DRG1: variants seen among roughly 807,000 people sequenced by gnomAD.
The protein encoded by DRG1 is developmentally regulated GTP binding protein 1, also known as developmentally-regulated GTP-binding protein 1.
In DRG1, 19 loss-of-function variants were observed where a neutral mutation model predicts 38.8. The ratio of observed to expected loss-of-function variants is 0.49; its 90% CI spans 0.34 to 0.72. The LOEUF (loss-of-function observed/expected upper bound fraction) is 0.72, where lower values mean the gene tolerates loss of function less well. Among genes scored for constraint, DRG1 ranks in the 30% least tolerant of loss-of-function variants. DRG1 has a pLI of 0.01. For missense variants in DRG1, 299 were observed against 444.8 expected, an observed-to-expected ratio of 0.67 and a Z score of 2.95; for synonymous variants, 167 against 157.5, an observed-to-expected ratio of 1.06 and a Z score of -0.45.
rs1365360511 is a variant in DRG1 at position 31,431,035 on chromosome 22, C to CTT, written c.1005-2820_1005-2819dup. On this transcript the variant is annotated intron_variant, in intron 8 of 8. Coordinates refer to ENST00000331457, the MANE Select transcript of DRG1 (RefSeq NM_004147.4). Reference sequence around the variant, plus strand: ...ACCCGGCCTTCCCCCCCCCCCCCCGCTTTTTTTTTTTTTTTTTTGAGACGG... The same window carrying CTT: ...ACCCGGCCTTCCCCCCCCCCCCCCGCTTTTTTTTTTTTTTTTTTTTGAGACGG... 4.2e-3 allele frequency among the ~76,000 whole-genome samples: 239 copies of CTT among 56,722 alleles called. 32 individuals are homozygous for CTT. Among genetic ancestry groups the CTT allele is most frequent in the East Asian group, 7.9e-3 (6 of 758 alleles). The allele number at this position is 56,722 out of a possible 152,430, so 37.2% of individuals were successfully genotyped here.
intron 8 of DRG1, among the ~76,000 whole-genome samples, chr22:31,430,832 C>T (rs1259994787): frequency 6.6e-6 from 1 of 152,056 alleles, no homozygotes; most frequent in East Asian, 1.9e-4. Flanking sequence ...GATCCTCCTA[C>T]CTCAGTTTCT....
At chr22:31,424,036 G>C (rs2145868996) in intron 6 of DRG1, among the ~76,000 whole-genome samples, 1 of 151,624 alleles carries the variant, frequency 6.6e-6, no homozygotes, top group South Asian at 2.1e-4. Flanking sequence ...GGCTAATTTT[G>C]TATTTTTAAT....
chr22:31,433,807 C>G, intron 8 of DRG1, 65 bp from the exon 9 acceptor site: 1 of 1,456,998 alleles, frequency 6.9e-7, no homozygotes, highest in Middle Eastern at 1.8e-4. Flanking sequence ...AGGGTGGCAT[C>G]CAGGCAAATA....
intron 4 of DRG1, among the ~76,000 whole-genome samples, chr22:31,419,893 A>G (rs1384275041): frequency 6.6e-6 from 1 of 152,230 alleles, no homozygotes; most frequent in African/African-American, 2.4e-5. Flanking sequence ...CTAAAATACA[A>G]TTAGCCAGGC....
At chr22:31,403,288 G>C in intron 3 of DRG1, 84 bp downstream of exon 3, 5 of 1,410,186 alleles carry the variant, frequency 3.5e-6, no homozygotes, top group Non-Finnish European at 3.8e-6. Context: ...CTGTATGCCA[G>C]GCCTGATCTT....
At chr22:31,415,689 A>G (rs1383163280) in intron 4 of DRG1, among the ~76,000 whole-genome samples, 4 of 152,020 alleles carry the variant, frequency 2.6e-5, no homozygotes, top group Non-Finnish European at 5.9e-5. Flanking sequence ...TTGTGCTTTT[A>G]AAGTTTTATT....
At chr22:31,412,646 G>A (rs1164657105) in intron 4 of DRG1, among the ~76,000 whole-genome samples, 1 of 151,826 alleles carries the variant, frequency 6.6e-6, no homozygotes, top group African/African-American at 2.4e-5. Flanking sequence ...ACCGTGCCTG[G>A]CCCTCTCTTT....
At chr22:31,430,248 A>G (rs2050131521) in intron 8 of DRG1, among the ~76,000 whole-genome samples, 3 of 152,116 alleles carry the variant, frequency 2.0e-5, no homozygotes. Flanking sequence ...TAGGAAATAC[A>G]TGTATGGATA....
At chr22:31,420,162 T>C (rs1388308766) in intron 4 of DRG1, 94 bp from the exon 5 acceptor site, 1 of 1,420,552 alleles carries the variant, frequency 7.0e-7, no homozygotes, top group Admixed American at 2.2e-5. Context: ...CTTTGACACT[T>C]AAATGTAGGG....
Position 31,401,879 on chromosome 22 carries a change from C to T in DRG1, c.166+1136C>T, listed in dbSNP as rs190943896. ...TAGCCTGACCAACATGGTGAAACCC[C>T]GTCTCTGCTAAAAATACAAAAATTA... On this transcript the variant is annotated intron_variant, in intron 2 of 8. Coordinates refer to ENST00000331457, the MANE Select transcript of DRG1 (RefSeq NM_004147.4). Among the ~76,000 whole-genome samples the T allele has an allele frequency of 1.4e-4, 21 of 151,984 alleles. No homozygotes were observed. In the East Asian group the frequency reaches 3.3e-3, roughly 24 times the overall value.
chr22:31,422,707 T>A (rs1179598922), intron 5 of DRG1, among the ~76,000 whole-genome samples: 1 of 152,182 alleles, frequency 6.6e-6, no homozygotes, highest in African/African-American at 2.4e-5. Context: ...ATATTCAAAT[T>A]TGAACATTTA....
In DRG1 at chr22:31,434,230, G is replaced by A. The variant is rs1022813121; in HGVS notation, c.*259G>A. The A allele has an allele frequency of 4.1e-5, 18 of 444,150 alleles. No homozygotes were observed. The highest frequency in any genetic ancestry group is 6.3e-5 in the Non-Finnish European group (15 of 239,034). 27.5% of individuals were successfully genotyped at this position (444,150 alleles called of 1,614,324 possible). ...GAATTTGTTTTGGGATGGGCTGAAT[G>A]AGGAAGGGTATATACGGTGAAGCAG... On this transcript the variant is annotated 3_prime_UTR_variant, in exon 9 of 9. Coordinates refer to ENST00000331457, the MANE Select transcript of DRG1 (RefSeq NM_004147.4).
chr22:31,415,026 C>T (rs2050036876), intron 4 of DRG1, among the ~76,000 whole-genome samples: 1 of 152,126 alleles, frequency 6.6e-6, no homozygotes, highest in East Asian at 1.9e-4. Context: ...TCTCTCTCTT[C>T]TCAGCTTCCC....
At chr22:31,417,915 A>C (rs1383845528) in intron 4 of DRG1, among the ~76,000 whole-genome samples, 4 of 151,258 alleles carry the variant, frequency 2.6e-5, no homozygotes, top group Non-Finnish European at 5.9e-5. Context: ...GCTTGAACCC[A>C]GGAGGCAGAG....
chr22:31,399,703 A>G lies in DRG1; in HGVS notation c.20A>G (p.Lys7Arg). The change falls in exon 1 of 9, where the codon AAG becomes AGG. Residue 7 changes from lysine (K) to arginine (R), a missense_variant. Coordinates refer to ENST00000331457, the MANE Select transcript of DRG1 (RefSeq NM_004147.4). MSSTLA[K>R]IAEIEAEMAR... The stretch of plus-strand genomic sequence containing the variant: ...GCCACGATGAGCAGCACCTTAGCTA[A>G]GATCGCGGAGATAGAAGCAGAGGTA... 6.2e-7 allele frequency: 1 copy of G among 1,614,004 alleles called. No homozygotes were observed. The highest frequency in any genetic ancestry group is 8.5e-7 in the Non-Finnish European group (1 of 1,179,868).
chr22:31,408,660 C>T (rs768981175), intron 3 of DRG1, among the ~76,000 whole-genome samples: 33 of 147,078 alleles, frequency 2.2e-4, no homozygotes, highest in Non-Finnish European at 3.0e-4. Flanking sequence ...GGCTGAGGTG[C>T]GAGAATCGCT....
At chr22:31,402,989 G>A in intron 2 of DRG1, 40 bp from the exon 3 acceptor site, 2 of 1,585,356 alleles carry the variant, frequency 1.3e-6, no homozygotes, top group Admixed American at 3.5e-5. Flanking sequence ...AACACTCTGG[G>A]GGATAACTCT....
intron 1 of DRG1, among the ~76,000 whole-genome samples, chr22:31,400,085 C>T (rs1245549346): frequency 6.6e-6 from 1 of 152,044 alleles, no homozygotes; most frequent in African/African-American, 2.4e-5. Context: ...TCCCTTATTC[C>T]ATCTCTGACT....
At chr22:31,415,368 T>C (rs2050038621) in intron 4 of DRG1, among the ~76,000 whole-genome samples, 1 of 152,226 alleles carries the variant, frequency 6.6e-6, no homozygotes, top group Admixed American at 6.5e-5. Flanking sequence ...ATACCACTGC[T>C]CTCGATATTA....
Sources: gnomAD v4.1 joint callset for allele counts (sites outside exome capture counted in the v4.1 genomes callset) on GRCh38, gnomAD v4.1.1 for gene constraint, MANE v1.5 for transcripts, NCBI Gene and HGNC (gene_info 2026-07-23, HGNC 2026-07-21) for gene names.